NDFIP1: variants seen among roughly 807,000 people sequenced by gnomAD.
NDFIP1 encodes Nedd4 family interacting protein 1.
A neutral mutation model predicts 28.8 loss-of-function variants in NDFIP1; 7 were observed. That is an observed-to-expected ratio of 0.24 (90% CI 0.14 to 0.46). The LOEUF (loss-of-function observed/expected upper bound fraction) is 0.46, where lower values mean the gene tolerates loss of function less well. NDFIP1 is among the 20% of genes least tolerant of loss of function. NDFIP1 has a pLI of 0.99. For synonymous variants in NDFIP1, 92 were observed against 101.0 expected (o/e 0.91, Z 0.53); for missense variants, 194 against 269.1 (o/e 0.72, Z 1.95).
chr5:142,140,537 A>C (rs560188969), intron 5 of NDFIP1, 26 bp from the exon 6 acceptor site: 1 of 1,585,486 alleles, frequency 6.3e-7, no homozygotes, highest in African/African-American at 1.4e-5. Context: ...TTAAGCTGCT[A>C]TAAAGTGTTT....
chr5:142,131,920 C>T lies in NDFIP1; in HGVS notation c.151+25C>T, dbSNP rs147788166. 1.0e-4 allele frequency: 156 copies of T among 1,538,820 alleles called. No homozygotes were observed. In the African/African-American group the frequency reaches 1.5e-3, roughly 14 times the overall value. ...GGTAGGTAACAGGGCAAGGTGATCA[C>T]GGAATCCTTAAAAACACTCTGTGCT... On this transcript the variant is annotated intron_variant, in intron 2 of 7. Transcript: ENST00000253814.
At chr5:142,136,498 T>C (rs1757276342) in intron 4 of NDFIP1, among the ~76,000 whole-genome samples, 1 of 152,180 alleles carries the variant, frequency 6.6e-6, no homozygotes, top group South Asian at 2.1e-4. Flanking sequence ...CTCATGCCTA[T>C]AATCCCAGCA....
At chr5:142,145,629 G>C (rs901125473) in intron 7 of NDFIP1, among the ~76,000 whole-genome samples, 2 of 152,168 alleles carry the variant, frequency 1.3e-5, no homozygotes, top group South Asian at 4.1e-4. Context: ...AATCATCTGA[G>C]GCAGAGTGAA....
At position 142,145,908 on chromosome 5, in the gene NDFIP1, T is replaced by A. The variant is rs1464185728; in HGVS notation, c.*2+1232T>A. ...GGCAATCATATACTAATCGTGAGGT[T>A]CTCAATTTTGAAGACTTGTGGTGGT... On this transcript the variant is annotated intron_variant, in intron 7 of 7. Coordinates refer to ENST00000253814, the MANE Select transcript of NDFIP1 (RefSeq NM_030571.4). 2.0e-5 allele frequency among the ~76,000 whole-genome samples: 3 copies of A among 152,178 alleles called. 1 individual carries two copies. Among genetic ancestry groups the A allele is most frequent in the Non-Finnish European group, 4.4e-5 (3 of 68,042 alleles).
chr5:142,110,835 G>A (rs1757007276), intron 1 of NDFIP1, among the ~76,000 whole-genome samples: 1 of 146,814 alleles, frequency 6.8e-6, no homozygotes, highest in African/African-American at 2.6e-5. Context: ...AACAATCACA[G>A]TATTAAGTAA....
intron 6 of NDFIP1, among the ~76,000 whole-genome samples, chr5:142,140,917 G>T (rs1468519025): frequency 6.6e-6 from 1 of 152,052 alleles, no homozygotes; most frequent in African/African-American, 2.4e-5. Context: ...TAGTCTGTCA[G>T]TTTTTTTCCC....
At chr5:142,151,122 A>AG (rs1298864846) in intron 7 of NDFIP1, among the ~76,000 whole-genome samples, 1 of 152,224 alleles carries the variant, frequency 6.6e-6, no homozygotes, top group Non-Finnish European at 1.5e-5. Context: ...CTTAAAATTT[A>AG]GTTTGAAAGT....
intron 1 of NDFIP1, among the ~76,000 whole-genome samples, chr5:142,123,263 C>T (rs1272257935): frequency 6.6e-6 from 1 of 151,982 alleles, no homozygotes. Flanking sequence ...GTGCCTGGCC[C>T]AAACAAGTGA....
chr5:142,132,693 A>G (rs184927608), intron 3 of NDFIP1, among the ~76,000 whole-genome samples: 98 of 152,320 alleles, frequency 6.4e-4, no homozygotes, highest in Admixed American at 1.2e-3. Context: ...AGGTCTAGGA[A>G]GAGAATAAAT....
chr5:142,140,727 T>A, intron 6 of NDFIP1, 98 bp downstream of exon 6: 1 of 889,774 alleles, frequency 1.1e-6, no homozygotes, highest in Non-Finnish European at 1.7e-6. Context: ...TACTGTATAG[T>A]AATATATTAA....
At chr5:142,117,937 C>G (rs889783043) in intron 1 of NDFIP1, among the ~76,000 whole-genome samples, 1 of 152,002 alleles carries the variant, frequency 6.6e-6, no homozygotes, top group South Asian at 2.1e-4. Context: ...TGCTATGTTG[C>G]TACCCAGGCT....
chr5:142,121,019 G>A (rs1561599028), intron 1 of NDFIP1, among the ~76,000 whole-genome samples: 2 of 152,326 alleles, frequency 1.3e-5, no homozygotes, highest in East Asian at 3.9e-4. Context: ...TATCAGAGCT[G>A]AGCAGGCTGC....
chr5:142,140,763 T>A, intron 6 of NDFIP1, 134 bp downstream of exon 6: 3 of 693,618 alleles, frequency 4.3e-6, no homozygotes, highest in Non-Finnish European at 6.7e-6. Flanking sequence ...ATTTTTAAAA[T>A]GTTGCTTTCT....
At chr5:142,135,169 C>CGG (rs35845166) in intron 3 of NDFIP1, among the ~76,000 whole-genome samples, 2 of 151,390 alleles carry the variant, frequency 1.3e-5, no homozygotes, top group African/African-American at 2.4e-5. Flanking sequence ...TTAGTAGAGA[C>CGG]GGGTTTCACC....
chr5:142,122,265 C>G (rs559991653), intron 1 of NDFIP1, among the ~76,000 whole-genome samples: 1 of 152,314 alleles, frequency 6.6e-6, no homozygotes, highest in South Asian at 2.1e-4. Flanking sequence ...TTATATGAAT[C>G]TAATCATACA....
intron 4 of NDFIP1, among the ~76,000 whole-genome samples, chr5:142,136,396 C>G (rs986237082): frequency 8.5e-5 from 13 of 152,076 alleles, no homozygotes; most frequent in Non-Finnish European, 1.3e-4. Flanking sequence ...TTTGGGGGCA[C>G]TTATTTAATG....
intron 6 of NDFIP1, chr5:142,142,938 A>ATATATATATATATATATAT (rs1418610556): frequency 2.5e-5 from 2 of 81,346 alleles, no homozygotes; most frequent in Admixed American, 1.6e-4. Flanking sequence ...AAAAAAAAAA[A>ATATATATATATATATATAT]AAATATATAT....
intron 1 of NDFIP1, among the ~76,000 whole-genome samples, chr5:142,114,363 T>G (rs907603563): frequency 6.6e-6 from 1 of 152,224 alleles, no homozygotes; most frequent in Non-Finnish European, 1.5e-5. Flanking sequence ...TGATATTTTC[T>G]TTAGAGAAAA....
Position 142,152,956 on chromosome 5 carries a change from A to C in NDFIP1, c.*1228A>C. On this transcript the variant is annotated 3_prime_UTR_variant, in exon 8 of 8. Transcript: ENST00000253814. ...TATCCTACTAAATACATTCCTAAAA[A>C]TGTATTTGAACATTGGTTCTGTAAA... is the stretch of plus-strand genomic sequence containing the variant. 4.0e-6 allele frequency: 1 copy of C among 248,358 alleles called. No individual in the cohort carries two copies. The highest frequency in any genetic ancestry group is 4.9e-5 in the South Asian group (1 of 20,486). 15.4% of individuals were successfully genotyped at this position (248,358 alleles called of 1,614,324 possible).
Sources: allele counts gnomAD v4.1 joint callset (sites outside exome capture counted in the v4.1 genomes callset), GRCh38; gene constraint gnomAD v4.1.1; transcripts MANE v1.5; gene names NCBI Gene and HGNC (gene_info 2026-07-23, HGNC 2026-07-21).